EYS: variants seen among roughly 807,000 people sequenced by gnomAD.
The protein encoded by EYS is protein eyes shut homolog.
EYS carries 250 observed loss-of-function variants against 282.1 expected under a neutral mutation model. That is an observed-to-expected ratio of 0.89 (90% CI 0.80 to 0.98). The LOEUF (loss-of-function observed/expected upper bound fraction) is 0.98. Ranked by LOEUF, EYS falls within the 50% of genes least tolerant of loss-of-function variation. The pLI, the probability that EYS is intolerant of heterozygous loss-of-function variation, is 0.00. For missense variants in EYS, 4,016 were observed against 3,709.0 expected (o/e 1.08, Z -2.15); for synonymous variants, 1,355 against 1,282.9 (o/e 1.06, Z -1.20).
rs369493406 is a variant in EYS at position 64,571,586 on chromosome 6, T to C, written c.5644+18637A>G. Among the ~76,000 whole-genome samples the C allele has an allele frequency of 3.7e-4, 57 of 152,050 alleles. No individual in the cohort carries two copies. In the East Asian group the frequency reaches 7.9e-3, roughly 21 times the overall value. On this transcript the variant is annotated intron_variant, in intron 26 of 42. Transcript: ENST00000503581. The stretch of plus-strand genomic sequence containing the variant: ...ATCAAATAGACACAATAAAAAATAG[T>C]AAAGGGGATATCACCACTGATCCCA...
intron 26 of EYS, among the ~76,000 whole-genome samples, chr6:64,509,415 C>T (rs16895382): frequency 0.02 from 2,968 of 152,200 alleles, 90 homozygotes; most frequent in African/African-American, 0.068. Context: ...GCACCTACTC[C>T]ACCACTGCTT....
At chr6:65,456,720 T>TA (rs149063290) in intron 5 of EYS, among the ~76,000 whole-genome samples, 28,011 of 145,978 alleles carry the variant, frequency 0.19, 3,194 homozygotes, top group Middle Eastern at 0.31. Flanking sequence ...CCCTTCATGA[T>TA]AAAAAAAAAA....
chr6:64,210,170 C>T (rs1324908310), intron 31 of EYS, among the ~76,000 whole-genome samples: 2 of 152,174 alleles, frequency 1.3e-5, no homozygotes, highest in African/African-American at 4.8e-5. Context: ...TAAAAGACAG[C>T]TTCATATCAC....
intron 34 of EYS, among the ~76,000 whole-genome samples, chr6:63,987,061 G>C (rs1767401397): frequency 6.6e-6 from 1 of 151,518 alleles, no homozygotes. Flanking sequence ...AATACAACAG[G>C]GCCACATCTT....
chr6:64,031,688 T>C (rs1390520020), intron 33 of EYS, among the ~76,000 whole-genome samples: 1 of 152,176 alleles, frequency 6.6e-6, no homozygotes, highest in Non-Finnish European at 1.5e-5. Context: ...AATGCTCCAA[T>C]TGACACTCTG....
intron 24 of EYS, 130 bp from the exon 25 acceptor site, chr6:64,593,439 T>C (rs1766474457): frequency 3.2e-6 from 2 of 621,782 alleles, no homozygotes; most frequent in African/African-American, 1.9e-5. Flanking sequence ...AATATTTTAC[T>C]TGAAAATTAA....
chr6:64,764,222 C>G (rs1262902477), intron 22 of EYS, among the ~76,000 whole-genome samples: 1 of 152,236 alleles, frequency 6.6e-6, no homozygotes, highest in African/African-American at 2.4e-5. Context: ...TCCCTGAGGG[C>G]TCCGCTTTGC....
At chr6:63,842,221 C>T (rs1020188150) in intron 36 of EYS, among the ~76,000 whole-genome samples, 1 of 152,156 alleles carries the variant, frequency 6.6e-6, no homozygotes, top group Non-Finnish European at 1.5e-5. Context: ...TTTGCACTCC[C>T]ACCAACAGTG....
intron 35 of EYS, among the ~76,000 whole-genome samples, chr6:63,957,791 A>C (rs1765887438): frequency 7.1e-6 from 1 of 140,870 alleles, no homozygotes; most frequent in Non-Finnish European, 1.6e-5. Context: ...CAACAAAATA[A>C]ATGTATGAAA....
At chr6:65,116,699 A>G (rs1274881063) in intron 12 of EYS, among the ~76,000 whole-genome samples, 1 of 152,180 alleles carries the variant, frequency 6.6e-6, no homozygotes, top group Non-Finnish European at 1.5e-5. Context: ...AAAACAAAAC[A>G]AAACAACAAC....
intron 12 of EYS, among the ~76,000 whole-genome samples, chr6:65,216,230 A>G (rs1359601543): frequency 6.6e-6 from 1 of 152,128 alleles, no homozygotes; most frequent in African/African-American, 2.4e-5. Context: ...ATATATGCAT[A>G]GTAATTTCTT....
intron 31 of EYS, among the ~76,000 whole-genome samples, chr6:64,171,009 C>T (rs932898320): frequency 1.3e-5 from 2 of 152,092 alleles, no homozygotes; most frequent in African/African-American, 2.4e-5. Context: ...TGCCTTTACC[C>T]CTGAACCTAC....
intron 22 of EYS, among the ~76,000 whole-genome samples, chr6:64,764,484 CT>C (rs1251868941): frequency 6.6e-6 from 1 of 152,196 alleles, no homozygotes; most frequent in Non-Finnish European, 1.5e-5. Context: ...CAATGGGGCC[CT>C]GGGCCCAGCC....
intron 22 of EYS, among the ~76,000 whole-genome samples, chr6:64,740,639 A>T (rs1016330334): frequency 2.0e-5 from 3 of 152,038 alleles, no homozygotes; most frequent in African/African-American, 4.8e-5. Flanking sequence ...ACACATTATC[A>T]TACATGCCTG....
At chr6:65,512,708 G>C (rs900921120) in intron 2 of EYS, among the ~76,000 whole-genome samples, 1 of 151,972 alleles carries the variant, frequency 6.6e-6, no homozygotes, top group Non-Finnish European at 1.5e-5. Flanking sequence ...ATAATGAAAT[G>C]AAGGCAGAAA....
chr6:64,548,698 G>A (rs956910787), intron 26 of EYS, among the ~76,000 whole-genome samples: 15 of 152,130 alleles, frequency 9.9e-5, no homozygotes, highest in Admixed American at 8.5e-4. Flanking sequence ...GGAGGGGGGA[G>A]GAGTAGCATT....
chr6:63,750,367 C>G (rs1319922893), intron 41 of EYS, among the ~76,000 whole-genome samples: 1 of 152,162 alleles, frequency 6.6e-6, no homozygotes. Flanking sequence ...AAAATACCCT[C>G]TATCCCAGTT....
intron 36 of EYS, among the ~76,000 whole-genome samples, chr6:63,824,728 T>A (rs1353268235): frequency 1.3e-5 from 2 of 151,428 alleles, no homozygotes; most frequent in African/African-American, 2.4e-5. Flanking sequence ...AATACAGGGG[T>A]AGAGGAAGCA....
chr6:64,818,678 T>C (rs1370962228), intron 21 of EYS, among the ~76,000 whole-genome samples: 1 of 152,096 alleles, frequency 6.6e-6, no homozygotes, highest in Admixed American at 6.6e-5. Flanking sequence ...GCACCCGGCA[T>C]GGGAGAAAAA....
Sources: gnomAD v4.1 joint callset for allele counts (sites outside exome capture counted in the v4.1 genomes callset) on GRCh38, gnomAD v4.1.1 for gene constraint, MANE v1.5 for transcripts, NCBI Gene and HGNC (gene_info 2026-07-23, HGNC 2026-07-21) for gene names.